HIVEP3: variants seen among roughly 807,000 people sequenced by gnomAD.
HIVEP3 encodes HIVEP zinc finger 3.
Under a neutral mutation model 152.8 loss-of-function variants are expected in HIVEP3, and 49 were observed. The observed-to-expected ratio is 0.32, with a 90% CI of 0.26 to 0.41. The LOEUF (loss-of-function observed/expected upper bound fraction) is 0.41. HIVEP3 is among the 10% of genes least tolerant of loss of function. The probability of loss-of-function intolerance (pLI) is 1.00; values close to 1 mark genes in which losing one functional copy is unlikely to be tolerated. For missense variants in HIVEP3, 2,790 were observed against 3,103.3 expected, an observed-to-expected ratio of 0.90 and a Z score of 2.40; for synonymous variants, 1,269 against 1,289.0, an observed-to-expected ratio of 0.98 and a Z score of 0.33.
chr1:41,511,155 C>G lies in HIVEP3; in HGVS notation c.6517G>C (p.Glu2173Gln). Residue 2173 changes from glutamate (E) to glutamine (Q), a missense_variant, in exon 9 of 9, where the codon GAG (glutamate) becomes CAG (glutamine). This residue lies in a region of HIVEP3 where 816 missense variants were observed against 806.5 expected (regional missense o/e 1.01). Transcript: ENST00000372583. This position sits in a 1 kb window ranked among gnomAD's most constrained non-coding sequence, Gnocchi z 4.9. Reference protein sequence around the residue: ...DFHGHILARTEENIFSHLPLH... With the variant: ...DFHGHILARTQENIFSHLPLH... Reference sequence around the variant, plus strand: ...GGCAGGTGGCTGAAGATGTTCTCCTCTGTCCGGGCCAGGATGTGGCCGTGG... The same window carrying G: ...GGCAGGTGGCTGAAGATGTTCTCCTGTGTCCGGGCCAGGATGTGGCCGTGG... The G allele has an allele frequency of 6.2e-7, 1 of 1,614,158 alleles. No individual in the cohort carries two copies.
chr1:41,757,424 A>T (rs1443755830), intron 1 of HIVEP3, among the ~76,000 whole-genome samples: 7 of 151,532 alleles, frequency 4.6e-5, no homozygotes, highest in Admixed American at 4.6e-4. Flanking sequence ...GCCCAAAAAA[A>T]TATTTTTTTA....
At position 41,958,972 on chromosome 1, in the gene HIVEP3, A is replaced by G. The variant is rs1465418076; in HGVS notation, n.120-40448T>C. On this transcript the variant is annotated intron_variant and non_coding_transcript_variant, in intron 1 of 3. Coordinates refer to the HIVEP3 transcript ENST00000489103. ...TGTTGTGTGTTAAGGCCAACCAGTG[A>G]GCACTGATGATGGAAGAGGTGCTTA... 4.6e-5 allele frequency among the ~76,000 whole-genome samples: 7 copies of G among 152,188 alleles called. No individual in the cohort carries two copies. In the East Asian group the frequency reaches 1.3e-3, roughly 29 times the overall value.
At chr1:41,991,726 G>C (rs779213437) in intron 1 of HIVEP3, among the ~76,000 whole-genome samples, 6 of 150,768 alleles carry the variant, frequency 4.0e-5, no homozygotes, top group Non-Finnish European at 7.4e-5. Flanking sequence ...TATCCTTGAT[G>C]AACATTGATG....
chr1:41,994,669 T>G (rs774646468), intron 1 of HIVEP3, among the ~76,000 whole-genome samples: 1 of 152,188 alleles, frequency 6.6e-6, no homozygotes, highest in Non-Finnish European at 1.5e-5. Context: ...CTGTTAAGCC[T>G]GCTGAACTGT....
In HIVEP3 at chr1:41,580,816, G is replaced by C; in HGVS notation, c.3982C>G (p.Pro1328Ala). The C allele has an allele frequency of 6.3e-7, 1 of 1,581,482 alleles. No homozygotes were observed. Among genetic ancestry groups the C allele is most frequent in the Admixed American group, 1.7e-5 (1 of 57,178 alleles). The change falls in exon 4 of 9, where the codon CCG becomes GCG. Residue 1328 changes from proline (P) to alanine (A), a missense_variant. By Grantham distance (27) the Pro-to-Ala change is conservative. Transcript: ENST00000372583. ...VVPVRVQTNMPSYGSAMYTTL... is the reference protein window; with the variant it reads ...VVPVRVQTNMASYGSAMYTTL... ...GTGTACATTGCGCTCCCATAGGACGGCATATTGGTCTGAACACGGACAGGC... is the reference window on the plus strand; with the variant it reads ...GTGTACATTGCGCTCCCATAGGACGCCATATTGGTCTGAACACGGACAGGC...
chr1:41,679,012 C>T (rs1362137218), intron 2 of HIVEP3, among the ~76,000 whole-genome samples: 2 of 152,202 alleles, frequency 1.3e-5, no homozygotes, highest in Admixed American at 6.5e-5. Context: ...TTTGGTGTCC[C>T]AGTACAGGAC....
At chr1:41,534,125 C>T (rs1291990863) in intron 5 of HIVEP3, among the ~76,000 whole-genome samples, 2 of 152,202 alleles carry the variant, frequency 1.3e-5, no homozygotes, top group African/African-American at 4.8e-5. Context: ...GGCCACCACC[C>T]TCTCTCCTAT....
chr1:41,893,649 G>A (rs1367397716), intron 1 of HIVEP3, among the ~76,000 whole-genome samples: 2 of 151,648 alleles, frequency 1.3e-5, no homozygotes, highest in Non-Finnish European at 2.9e-5. Context: ...ACTAGCCCAG[G>A]GGCCTTTGTA....
At chr1:41,921,389 G>A (rs1249720913), upstream of HIVEP3, among the ~76,000 whole-genome samples, 1 of 152,154 alleles carries the variant, frequency 6.6e-6, no homozygotes, top group Non-Finnish European at 1.5e-5. Flanking sequence ...TTCTCATGCT[G>A]TTCTTGTGAT....
intron 1 of HIVEP3, among the ~76,000 whole-genome samples, chr1:41,810,736 G>C (rs1650906755): frequency 6.6e-6 from 1 of 152,172 alleles, no homozygotes. Context: ...TTTATATATG[G>C]TTACAGTCTT....
intron 1 of HIVEP3, among the ~76,000 whole-genome samples, chr1:41,986,509 C>T (rs922521810): frequency 5.5e-5 from 8 of 146,768 alleles, no homozygotes; most frequent in East Asian, 4.0e-4. Context: ...GGCGCTATGT[C>T]GGCTCACTGC....
chr1:41,619,422 C>G (rs1645014983), intron 3 of HIVEP3, among the ~76,000 whole-genome samples: 1 of 152,174 alleles, frequency 6.6e-6, no homozygotes, highest in African/African-American at 2.4e-5. Flanking sequence ...TTTTTAAGAT[C>G]TCACAAAATA....
At chr1:41,680,826 T>A (rs567452517) in intron 2 of HIVEP3, among the ~76,000 whole-genome samples, 3 of 152,288 alleles carry the variant, frequency 2.0e-5, no homozygotes, top group Admixed American at 1.3e-4. Context: ...CTTGCTAAAA[T>A]AAAATAAAAC....
chr1:41,786,080 G>T (rs1335160241), intron 1 of HIVEP3, among the ~76,000 whole-genome samples: 1 of 152,200 alleles, frequency 6.6e-6, no homozygotes, highest in Non-Finnish European at 1.5e-5. Context: ...GCATGCGAGA[G>T]GTGGCACTGC....
intron 1 of HIVEP3, among the ~76,000 whole-genome samples, chr1:41,961,829 C>A (rs1453791572): frequency 6.6e-6 from 1 of 152,254 alleles, no homozygotes; most frequent in Non-Finnish European, 1.5e-5. Flanking sequence ...CCAATAGCAT[C>A]TCTATCCCGG....
At chr1:41,614,799 C>T (rs1044735324) in intron 3 of HIVEP3, among the ~76,000 whole-genome samples, 9 of 152,208 alleles carry the variant, frequency 5.9e-5, no homozygotes, top group African/African-American at 2.2e-4. Flanking sequence ...AAGGGCAACA[C>T]AGTTAGCTGC....
At chr1:41,658,512 G>A (rs545955656) in intron 2 of HIVEP3, among the ~76,000 whole-genome samples, 1 of 152,276 alleles carries the variant, frequency 6.6e-6, no homozygotes, top group Admixed American at 6.5e-5. Context: ...CTGTAAAACA[G>A]GAACCAGCAG....
At chr1:41,757,352 C>A (rs370612343) in intron 1 of HIVEP3, among the ~76,000 whole-genome samples, 1 of 151,868 alleles carries the variant, frequency 6.6e-6, no homozygotes, top group Admixed American at 6.6e-5. Context: ...CTCCTGACGT[C>A]GTGATCCACC....
intron 1 of HIVEP3, among the ~76,000 whole-genome samples, chr1:41,968,315 T>C (rs1340597301): frequency 2.0e-5 from 3 of 151,214 alleles, no homozygotes; most frequent in African/African-American, 7.3e-5. Flanking sequence ...CGCAATAAAA[T>C]ACTGGCAAAC....
Sources: allele counts gnomAD v4.1 joint callset (sites outside exome capture counted in the v4.1 genomes callset), GRCh38; gene constraint gnomAD v4.1.1; regional missense constraint gnomAD v4.1.1; non-coding constraint Gnocchi (gnomAD v3.1); transcripts MANE v1.5; gene names NCBI Gene and HGNC (gene_info 2026-07-23, HGNC 2026-07-21).